The following SULF2 variants were observed in gnomAD, a reference collection of about 807,000 sequenced individuals.
SULF2 encodes the protein sulfatase 2.
In SULF2, 52 loss-of-function variants were observed where a neutral mutation model predicts 107.7. That is an observed-to-expected ratio of 0.48 (90% CI 0.39 to 0.61). SULF2 has a LOEUF of 0.61. Ranked by LOEUF, SULF2 falls within the 20% of genes least tolerant of loss-of-function variation. The pLI, the probability that SULF2 is intolerant of heterozygous loss-of-function variation, is 0.00. For missense variants in SULF2, 993 were observed against 1,177.3 expected, an observed-to-expected ratio of 0.84 and a Z score of 2.29; for synonymous variants, 460 against 464.3, an observed-to-expected ratio of 0.99 and a Z score of 0.12.
intron 11 of SULF2, among the ~76,000 whole-genome samples, chr20:47,668,382 A>G (rs922798708): frequency 1.1e-4 from 17 of 152,228 alleles, no homozygotes; most frequent in African/African-American, 3.6e-4. Context: ...CTCTTCACAG[A>G]AGCGGTATGC....
In SULF2 at chr20:47,659,720, A is replaced by C; in HGVS notation, c.2505T>G (p.Asp835Glu). Reference sequence around the variant, plus strand: ...ACCTGTATTGCTCATAGCTTCCTCCATCTTTAAGTCCTAAATGAAGGAGAA... The same window carrying C: ...ACCTGTATTGCTCATAGCTTCCTCCCTCTTTAAGTCCTAAATGAAGGAGAA... ...RTRNMDLGLK[D>E]GGSYEQYRQF... The change falls in exon 19 of 21, where the codon GAT becomes GAG. Residue 835 changes from aspartate (D) to glutamate (E), a missense_variant. Coordinates refer to ENST00000688720, the MANE Select transcript of SULF2 (RefSeq NM_001387048.1). 10 of 1,613,354 alleles carry C rather than the reference A, an allele frequency of 6.2e-6. No homozygotes were observed. The highest frequency in any genetic ancestry group is 8.5e-6 in the Non-Finnish European group (10 of 1,179,360).
chr20:47,770,533 A>G (rs1042956073), intron 1 of SULF2, among the ~76,000 whole-genome samples: 1 of 152,210 alleles, frequency 6.6e-6, no homozygotes, highest in Non-Finnish European at 1.5e-5. Context: ...CACGGTGGGA[A>G]GACTGGAATT....
intron 3 of SULF2, among the ~76,000 whole-genome samples, chr20:47,715,486 G>A (rs932214324): frequency 2.0e-5 from 3 of 152,058 alleles, no homozygotes; most frequent in African/African-American, 4.8e-5. Flanking sequence ...ACGAGACCTC[G>A]ATGAACGTTT....
chr20:47,664,312 G>A (rs1312084535), intron 14 of SULF2, 123 bp from the exon 15 acceptor site: 4 of 982,526 alleles, frequency 4.1e-6, no homozygotes, highest in South Asian at 1.5e-5. Context: ...CCCTCCTTCT[G>A]GGGTGGTGGT....
chr20:47,704,271 A>G (rs2088658405), intron 3 of SULF2, among the ~76,000 whole-genome samples: 1 of 137,156 alleles, frequency 7.3e-6, no homozygotes, highest in South Asian at 2.7e-4. Context: ...TTTATTTTGC[A>G]TGTACATTTT....
chr20:47,666,433 C>T lies in SULF2; in HGVS notation c.1632G>A (p.Val544=), dbSNP rs376163923. 49 of 1,613,748 alleles carry T rather than the reference C, an allele frequency of 3.0e-5. No individual in the cohort carries two copies. Among genetic ancestry groups the T allele is most frequent in the African/African-American group, 4.0e-5 (3 of 74,940 alleles). ...SRSIRSVAIE[V]DGRVYHVGLG... ...GGCCTACGTGGTACACCCTGCCGTCCACCTCGATGGCCACTGAGCGGATGG... is the reference window on the plus strand; with the variant it reads ...GGCCTACGTGGTACACCCTGCCGTCTACCTCGATGGCCACTGAGCGGATGG... Residue 544 remains valine (V), a synonymous_variant, in exon 12 of 21, where the codon GTG becomes GTA. Transcript: ENST00000688720. This position sits in a 1 kb window ranked among gnomAD's most constrained non-coding sequence, Gnocchi z 5.4.
intron 19 of SULF2, 116 bp from the exon 20 acceptor site, chr20:47,659,568 C>A: frequency 7.3e-7 from 1 of 1,376,786 alleles, no homozygotes; most frequent in South Asian, 1.2e-5. Flanking sequence ...GGTGGGTGAT[C>A]CTGGTCTCGG....
At position 47,666,089 on chromosome 20, in the gene SULF2, G is replaced by A. The variant is rs369109044; in HGVS notation, c.1806-136C>T. 40 of 1,604,566 alleles carry A rather than the reference G, an allele frequency of 2.5e-5. No individual in the cohort carries two copies. The highest frequency in any genetic ancestry group is 3.2e-5 in the Non-Finnish European group (37 of 1,172,144). On this transcript the variant is annotated intron_variant, in intron 12 of 20. Transcript: ENST00000688720. This position sits in a 1 kb window ranked among gnomAD's most constrained non-coding sequence, Gnocchi z 5.4. The stretch of plus-strand genomic sequence containing the variant: ...CTCGACTTCCACCTGGACACTCACC[G>A]ATGTGTCACTTTAATGGGGTTGGCG...
intron 3 of SULF2, among the ~76,000 whole-genome samples, chr20:47,724,940 A>G (rs192632870): frequency 2.0e-4 from 30 of 152,354 alleles, no homozygotes; most frequent in Non-Finnish European, 3.5e-4. Flanking sequence ...TATGCATGTC[A>G]TTTCCACAAA....
chr20:47,678,731 C>T lies in SULF2; in HGVS notation c.1138G>A (p.Asp380Asn). 6.2e-7 allele frequency: 1 copy of T among 1,614,050 alleles called. No homozygotes were observed. Among genetic ancestry groups the T allele is most frequent in the South Asian group, 1.1e-5 (1 of 91,076 alleles). ...LDIAGLDIPA[D>N]MDGKSILKLL... ...TTGAGGATGGATTTCCCGTCCATAT[C>T]CGCAGGTATGTCCAGGCCTGCAATG... The change falls in exon 8 of 21, where the codon GAT becomes AAT. Residue 380 changes from aspartate (D) to asparagine (N), a missense_variant. Asp to Asn is a conservative substitution (Grantham distance 23). This residue lies in a region of SULF2 where 108 missense variants were observed against 183.9 expected (regional missense o/e 0.59). Coordinates refer to ENST00000688720, the MANE Select transcript of SULF2 (RefSeq NM_001387048.1). This position sits in a 1 kb window ranked among gnomAD's most constrained non-coding sequence, Gnocchi z 4.5.
At chr20:47,690,720 A>G (rs1332521893) in intron 4 of SULF2, among the ~76,000 whole-genome samples, 3 of 152,100 alleles carry the variant, frequency 2.0e-5, no homozygotes, top group Non-Finnish European at 4.4e-5. Context: ...AAATACAAAA[A>G]TTAGCCAGGC....
At chr20:47,692,169 T>C (rs2088218806) in intron 4 of SULF2, among the ~76,000 whole-genome samples, 2 of 152,174 alleles carry the variant, frequency 1.3e-5, no homozygotes, top group Non-Finnish European at 2.9e-5. Context: ...CCAAAACAAT[T>C]ACTTTCAAAA....
At chr20:47,713,277 G>A (rs2146655357) in intron 3 of SULF2, among the ~76,000 whole-genome samples, 1 of 152,158 alleles carries the variant, frequency 6.6e-6, no homozygotes, top group East Asian at 1.9e-4. Context: ...ATGTGCTACA[G>A]GCATCTATCG....
At chr20:47,693,051 T>C (rs34243144) in intron 4 of SULF2, among the ~76,000 whole-genome samples, 26,016 of 152,182 alleles carry the variant, frequency 0.17, 2,836 homozygotes, top group Admixed American at 0.27. Context: ...TCTTTATATA[T>C]TGCTCCTTGA....
intron 3 of SULF2, among the ~76,000 whole-genome samples, chr20:47,710,683 CCT>C (rs1158799497): frequency 2.6e-5 from 4 of 152,254 alleles, no homozygotes; most frequent in African/African-American, 7.2e-5. Context: ...GGGCCCGTCC[CCT>C]GTTATAGCCA....
chr20:47,691,516 T>G (rs2088196270), intron 4 of SULF2, among the ~76,000 whole-genome samples: 1 of 152,172 alleles, frequency 6.6e-6, no homozygotes, highest in Non-Finnish European at 1.5e-5. Context: ...GGTATCAGAC[T>G]TTTAAAAAAC....
In SULF2 at chr20:47,678,583, G is replaced by A. The variant is rs911032800; in HGVS notation, c.1193+93C>T. On this transcript the variant is annotated intron_variant, in intron 8 of 20. Coordinates refer to ENST00000688720, the MANE Select transcript of SULF2 (RefSeq NM_001387048.1). The surrounding 1 kb of genome is among the most constrained non-coding windows in gnomAD (Gnocchi z 4.5). ...TGAGAACCCCAGCTCCCGACCCTTG[G>A]AGACCCCACGTTCTAGACCCACAGG... is the stretch of plus-strand genomic sequence containing the variant. 14 of 1,524,654 alleles carry A rather than the reference G, an allele frequency of 9.2e-6. No individual in the cohort carries two copies. In the South Asian group the frequency reaches 1.7e-4, roughly 19 times the overall value. The allele number at this position is 1,524,654 out of a possible 1,614,324, so 94.4% of individuals were successfully genotyped here. A position where few individuals can be genotyped will look rare whatever the true frequency, so the allele number is the denominator to read the frequency against.
chr20:47,758,756 TTTAAAACAAG>T (rs1376195498), intron 1 of SULF2, among the ~76,000 whole-genome samples: 45 of 152,306 alleles, frequency 3.0e-4, no homozygotes, highest in African/African-American at 1.1e-3. Context: ...GTATCATTTA[TTTAAAACAAG>T]AGAGCATGAG....
chr20:47,752,671 A>G (rs1410130678), intron 2 of SULF2, among the ~76,000 whole-genome samples: 1 of 152,082 alleles, frequency 6.6e-6, no homozygotes, highest in African/African-American at 2.4e-5. Flanking sequence ...GGATTGCTTA[A>G]GCTCAGGAGG....
Sources: gnomAD v4.1 joint callset for allele counts (sites outside exome capture counted in the v4.1 genomes callset) on GRCh38, gnomAD v4.1.1 for gene constraint, gnomAD v4.1.1 regional missense constraint, Gnocchi (gnomAD v3.1) non-coding constraint, MANE v1.5 for transcripts, NCBI Gene and HGNC (gene_info 2026-07-23, HGNC 2026-07-21) for gene names.